Variants in STX1A observed in about 807,000 individuals in gnomAD.
STX1A encodes the protein syntaxin-1A.
A neutral mutation model predicts 37.8 loss-of-function variants in STX1A; 4 were observed. The observed-to-expected ratio is 0.11, with a 90% CI of 0.05 to 0.24. STX1A has a LOEUF of 0.24. STX1A is among the 10% of genes least tolerant of loss of function. STX1A has a pLI of 1.00. For missense variants in STX1A, 251 were observed against 399.9 expected, an observed-to-expected ratio of 0.63 and a Z score of 3.18; for synonymous variants, 135 against 147.4, an observed-to-expected ratio of 0.92 and a Z score of 0.61.
At position 73,700,278 on chromosome 7, in the gene STX1A, G is replaced by A. The variant is rs1798600146; in HGVS notation, c.*129C>T. ...CGGAGGGCCCATGGCAGAGAAGGGA[G>A]CATGGGGGCCGGGAGGGAGGGTGCT... On this transcript the variant is annotated 3_prime_UTR_variant, in exon 10 of 10. Transcript: ENST00000222812. This position sits in a 1 kb window ranked among gnomAD's most constrained non-coding sequence, Gnocchi z 4.4. 1 of 816,048 alleles carries A rather than the reference G, an allele frequency of 1.2e-6. No individual in the cohort carries two copies. Among genetic ancestry groups the A allele is most frequent in the East Asian group, 2.6e-5 (1 of 38,292 alleles). 50.6% of individuals were successfully genotyped at this position (816,048 alleles called of 1,614,324 possible). A position where few individuals can be genotyped will look rare whatever the true frequency, so the allele number is the denominator to read the frequency against.
rs1290914125 is a variant in STX1A at position 73,702,271 on chromosome 7, C to T, written c.678+574G>A. On this transcript the variant is annotated intron_variant, in intron 8 of 9. Transcript: ENST00000222812. This position sits in a 1 kb window ranked among gnomAD's most constrained non-coding sequence, Gnocchi z 4.7. ...ACAAAGGCAGCCGCCCCATCGTGGT[C>T]ACGGTGTTACTCTGTGTAACTTTGG... 6.6e-6 allele frequency among the ~76,000 whole-genome samples: 1 copy of T among 152,160 alleles called. No homozygotes were observed. The highest frequency in any genetic ancestry group is 1.5e-5 in the Non-Finnish European group (1 of 68,030).
intron 3 of STX1A, among the ~76,000 whole-genome samples, chr7:73,708,373 C>T (rs1337154273): frequency 6.6e-6 from 1 of 152,142 alleles, no homozygotes; most frequent in Non-Finnish European, 1.5e-5. Context: ...CCTGGTCTGG[C>T]CGGCCTGGGA....
Position 73,704,129 on chromosome 7 carries a change from G to A in STX1A, c.466+19C>T. The A allele has an allele frequency of 1.3e-5, 13 of 1,022,030 alleles. No homozygotes were observed. The highest frequency in any genetic ancestry group is 4.9e-5 in the African/African-American group (3 of 61,586). 63.3% of individuals were successfully genotyped at this position (1,022,030 alleles called of 1,614,324 possible). On this transcript the variant is annotated intron_variant, in intron 6 of 9. Coordinates refer to ENST00000222812, the MANE Select transcript of STX1A (RefSeq NM_004603.4). The stretch of plus-strand genomic sequence containing the variant: ...CCTCCAGGCTCCAGGCCCCGCCCCA[G>A]GCCCCACCCCCAGCTCACTGATCTC...
In STX1A at chr7:73,705,116, G is replaced by GCCCCCCCCCCCC; in HGVS notation, c.283+33_283+34insGGGGGGGGGGGG. The GCCCCCCCCCCCC allele has an allele frequency of 6.3e-7, 1 of 1,599,786 alleles. No homozygotes were observed. Reference sequence around the variant, plus strand: ...TCCGCAGAGGAAGCAGGCCTAGAATGCCCCCCACCCACCCCCAGACAAGCC... The same window carrying GCCCCCCCCCCCC: ...TCCGCAGAGGAAGCAGGCCTAGAATGCCCCCCCCCCCCCCCCCCACCCACCCCCAGACAAGCC... On this transcript the variant is annotated intron_variant, in intron 4 of 9. Coordinates refer to ENST00000222812, the MANE Select transcript of STX1A (RefSeq NM_004603.4). The surrounding 1 kb of genome is among the most constrained non-coding windows in gnomAD (Gnocchi z 5.2).
chr7:73,709,904 T>G lies in STX1A; in HGVS notation c.31-782A>C, dbSNP rs1408853274. Among the ~76,000 whole-genome samples the G allele has an allele frequency of 1.3e-5, 2 of 152,206 alleles. No individual in the cohort carries two copies. Among genetic ancestry groups the G allele is most frequent in the African/African-American group, 4.8e-5 (2 of 41,520 alleles). ...TTAAAACAGTTTTTAAATTTAATTTTTATTTTTGTAGAGACGGGGGTCTCA... is the reference window on the plus strand; with the variant it reads ...TTAAAACAGTTTTTAAATTTAATTTGTATTTTTGTAGAGACGGGGGTCTCA... On this transcript the variant is annotated intron_variant, in intron 1 of 9. Transcript: ENST00000222812. This position sits in a 1 kb window ranked among gnomAD's most constrained non-coding sequence, Gnocchi z 4.2.
At chr7:73,712,527 T>C (rs1799141767) in intron 1 of STX1A, among the ~76,000 whole-genome samples, 1 of 152,066 alleles carries the variant, frequency 6.6e-6, no homozygotes, top group African/African-American at 2.4e-5. Flanking sequence ...ACATTCCTAT[T>C]GGAGCCATGG....
At chr7:73,707,248 T>G (rs891672369) in intron 3 of STX1A, among the ~76,000 whole-genome samples, 5 of 152,010 alleles carry the variant, frequency 3.3e-5, no homozygotes, top group African/African-American at 1.2e-4. Flanking sequence ...GTAAACAACA[T>G]CTCAACAGGA....
rs942665662 is a variant in STX1A at position 73,702,266 on chromosome 7, G to A, written c.678+579C>T. On this transcript the variant is annotated intron_variant, in intron 8 of 9. Transcript: ENST00000222812. This position sits in a 1 kb window ranked among gnomAD's most constrained non-coding sequence, Gnocchi z 4.7. ...CTCCAACAAAGGCAGCCGCCCCATC[G>A]TGGTCACGGTGTTACTCTGTGTAAC... 6.6e-6 allele frequency among the ~76,000 whole-genome samples: 1 copy of A among 152,128 alleles called. No homozygotes were observed. The highest frequency in any genetic ancestry group is 2.1e-4 in the South Asian group (1 of 4,832).
intron 1 of STX1A, among the ~76,000 whole-genome samples, chr7:73,714,723 T>C (rs898135356): frequency 2.0e-5 from 3 of 151,768 alleles, no homozygotes; most frequent in East Asian, 3.9e-4. Flanking sequence ...TTTTTTGTTC[T>C]GCATTCAGCA....
rs1310629079 is a variant in STX1A, at chr7:73,706,475, T to C, written c.209-1251A>G. ...GACTTCTCCTTAACTCTGTGCCGCC[T>C]GTGCCCTAGAACCCCCAACATGAGC... On this transcript the variant is annotated intron_variant, in intron 3 of 9. Coordinates refer to ENST00000222812, the MANE Select transcript of STX1A (RefSeq NM_004603.4). The surrounding 1 kb of genome is among the most constrained non-coding windows in gnomAD (Gnocchi z 4.6). Among the ~76,000 whole-genome samples, 1 of 152,110 alleles carries C rather than the reference T, an allele frequency of 6.6e-6. No individual in the cohort carries two copies. Among genetic ancestry groups the C allele is most frequent in the Non-Finnish European group, 1.5e-5 (1 of 68,032 alleles).
At chr7:73,701,758 T>A (rs1798666165) in intron 8 of STX1A, among the ~76,000 whole-genome samples, 1 of 152,248 alleles carries the variant, frequency 6.6e-6, no homozygotes, top group African/African-American at 2.4e-5. Context: ...ACGGCCTCCG[T>A]ACTTCCTAAC....
rs556913562 is a variant in STX1A at position 73,707,086 on chromosome 7, G to A, written c.208+1503C>T. 4.1e-4 allele frequency among the ~76,000 whole-genome samples: 62 copies of A among 152,312 alleles called. 1 individual carries two copies. Among genetic ancestry groups the A allele is most frequent in the Admixed American group, 3.5e-3 (53 of 15,300 alleles). ...GTGAGGGGTCATAGACCAGGAGGCC[G>A]TGCTGGAGGTGAGAAGAAAATCTGA... is the stretch of plus-strand genomic sequence containing the variant. On this transcript the variant is annotated intron_variant, in intron 3 of 9. Transcript: ENST00000222812.
At chr7:73,719,525 G>A in intron 1 of STX1A, 77 bp downstream of exon 1, 2 of 1,176,108 alleles carry the variant, frequency 1.7e-6, no homozygotes, top group Non-Finnish European at 2.1e-6. Flanking sequence ...CCTGGCCGCG[G>A]GAGCCGGGCG....
intron 7 of STX1A, 72 bp downstream of exon 7, chr7:73,703,683 C>G: frequency 6.5e-7 from 1 of 1,545,988 alleles, no homozygotes; most frequent in Non-Finnish European, 8.9e-7. Context: ...TGTCCAGACC[C>G]AGCACTAGGG....
intron 1 of STX1A, among the ~76,000 whole-genome samples, chr7:73,718,563 C>T (rs1004612685): frequency 1.3e-5 from 2 of 152,038 alleles, no homozygotes; most frequent in Non-Finnish European, 2.9e-5. Context: ...AGGTGGCCAG[C>T]CAGGGGACCA....
At chr7:73,703,931 C>A in intron 6 of STX1A, 103 bp from the exon 7 acceptor site, 1 of 1,365,450 alleles carries the variant, frequency 7.3e-7, no homozygotes, top group Non-Finnish European at 9.8e-7. Flanking sequence ...CCCCCCAGCC[C>A]CGAGCTCAGC....
intron 1 of STX1A, among the ~76,000 whole-genome samples, chr7:73,710,951 T>C (rs782139713): frequency 4.6e-5 from 7 of 152,024 alleles, no homozygotes; most frequent in African/African-American, 1.7e-4. Flanking sequence ...TGAGAAAAAG[T>C]GGGGAAGCAG....
At position 73,718,896 on chromosome 7, in the gene STX1A, G is replaced by C. The variant is rs1028801501; in HGVS notation, c.30+706C>G. On this transcript the variant is annotated intron_variant, in intron 1 of 9. Transcript: ENST00000222812. ...AGTCGCAAGGAACCCTGAAGGGTCT[G>C]GAAACGCCAGCCAGTGCTGCCCGAA... Among the ~76,000 whole-genome samples, 6 of 151,980 alleles carry C rather than the reference G, an allele frequency of 3.9e-5. No homozygotes were observed. In the East Asian group the frequency reaches 1.2e-3, roughly 29 times the overall value.
chr7:73,714,494 A>G (rs535856872), intron 1 of STX1A, among the ~76,000 whole-genome samples: 1 of 152,120 alleles, frequency 6.6e-6, no homozygotes, highest in East Asian at 1.9e-4. Context: ...TTGATCTCCC[A>G]GGCTCAAGCA....
Sources: gnomAD v4.1 joint callset for allele counts (sites outside exome capture counted in the v4.1 genomes callset) on GRCh38, gnomAD v4.1.1 for gene constraint, Gnocchi (gnomAD v3.1) non-coding constraint, MANE v1.5 for transcripts, NCBI Gene and HGNC (gene_info 2026-07-23, HGNC 2026-07-21) for gene names.